HGSNAT: variants seen among roughly 807,000 people sequenced by gnomAD.
HGSNAT encodes heparan-alpha-glucosaminide N-acetyltransferase.
HGSNAT carries 59 observed loss-of-function variants against 85.2 expected under a neutral mutation model. The ratio of observed to expected loss-of-function variants is 0.69; its 90% CI spans 0.56 to 0.86. The LOEUF is 0.86. HGSNAT is among the 40% of genes least tolerant of loss of function. The pLI, the probability that HGSNAT is intolerant of heterozygous loss-of-function variation, is 0.00. For missense variants in HGSNAT, 756 were observed against 777.1 expected (o/e 0.97, Z 0.32); for synonymous variants, 321 against 304.5 (o/e 1.05, Z -0.56).
At chr8:43,195,371 T>C (rs1266775493) in intron 14 of HGSNAT, among the ~76,000 whole-genome samples, 1 of 151,902 alleles carries the variant, frequency 6.6e-6, no homozygotes, top group Non-Finnish European at 1.5e-5. Context: ...GAAAAGAAAA[T>C]GTTATTAAGA....
rs1423323113 is a variant in HGSNAT, at chr8:43,182,218, G to C, written c.1086G>C (p.Leu362Phe). The change falls in exon 11 of 18, where the codon TTG becomes TTC. Residue 362 changes from leucine to phenylalanine, a missense_variant. By Grantham distance (22) the Leu-to-Phe change is conservative. Transcript: ENST00000379644. ...LGVTYFVVAVLELLFAKPVPE... is the reference protein window; with the variant it reads ...LGVTYFVVAVFELLFAKPVPE... ...TGACATACTTTGTGGTTGCTGTGTT[G>C]GAGCTCCTCTTTGCTAAACCTGTGC... 6.2e-7 allele frequency: 1 copy of C among 1,613,810 alleles called. No homozygotes were observed. Among genetic ancestry groups the C allele is most frequent in the Non-Finnish European group, 8.5e-7 (1 of 1,179,864 alleles).
At chr8:43,158,242 G>C (rs536504830) in intron 2 of HGSNAT, among the ~76,000 whole-genome samples, 1 of 152,254 alleles carries the variant, frequency 6.6e-6, no homozygotes, top group African/African-American at 2.4e-5. Context: ...GGGATTACAG[G>C]CATGTGCCAC....
intron 11 of HGSNAT, among the ~76,000 whole-genome samples, chr8:43,186,123 G>C (rs1314126000): frequency 2.0e-5 from 3 of 152,096 alleles, no homozygotes; most frequent in African/African-American, 4.8e-5. Flanking sequence ...TCTCTGCCAG[G>C]CTTTGGTATC....
rs546298041 is a variant in HGSNAT at position 43,169,102 on chromosome 8, A to C, written c.564-71A>C. The C allele has an allele frequency of 6.3e-6, 5 of 788,566 alleles. No homozygotes were observed. In the African/African-American group the frequency reaches 8.7e-5, roughly 14 times the overall value. The allele number at this position is 788,566 out of a possible 1,614,324, so 48.8% of individuals were successfully genotyped here. On this transcript the variant is annotated intron_variant, in intron 5 of 17. Transcript: ENST00000379644. The stretch of plus-strand genomic sequence containing the variant: ...GAATATGAGCTTTAATTTTATTTCC[A>C]TATAATATCCAATCATTTAAAAAAT...
At chr8:43,197,523 A>T in intron 15 of HGSNAT, 149 bp from the exon 16 acceptor site, 5 of 635,654 alleles carry the variant, frequency 7.9e-6, no homozygotes, top group Non-Finnish European at 1.4e-5. Flanking sequence ...CATTTAAAAA[A>T]ATATGTTTCC....
Position 43,161,296 on chromosome 8 carries a change from C to T in HGSNAT, c.494-142C>T, listed in dbSNP as rs558950133. 11 of 618,702 alleles carry T rather than the reference C, an allele frequency of 1.8e-5. No individual in the cohort carries two copies. The East Asian group carries it at 2.0e-4, about 11-fold the overall frequency. 38.3% of individuals were successfully genotyped at this position (618,702 alleles called of 1,614,324 possible). On this transcript the variant is annotated intron_variant, in intron 4 of 17. Transcript: ENST00000379644. The stretch of plus-strand genomic sequence containing the variant: ...TTATAATGACAATTATCACTCCCTT[C>T]AGGGTGAGCATAGGAAATTCAGCAT...
At position 43,191,501 on chromosome 8, in the gene HGSNAT, A is replaced by C; in HGVS notation, c.1156A>C (p.Ile386Leu). The C allele has an allele frequency of 6.2e-7, 1 of 1,613,952 alleles. No homozygotes were observed. The highest frequency in any genetic ancestry group is 8.5e-7 in the Non-Finnish European group (1 of 1,179,846). ...GAGGAGCTGCCTTTCTCTTCGAGAC[A>C]TCACGTCCAGCTGGCCCCAGTGGCT... Reference protein sequence around the residue: ...SERSCLSLRDITSSWPQWLLI... With the variant: ...SERSCLSLRDLTSSWPQWLLI... Residue 386 changes from isoleucine (I) to leucine (L), a missense_variant, in exon 12 of 18, where the codon ATC (isoleucine) becomes CTC (leucine). Coordinates refer to ENST00000379644, the MANE Select transcript of HGSNAT (RefSeq NM_152419.3).
intron 2 of HGSNAT, 134 bp from the exon 3 acceptor site, chr8:43,158,441 T>G: frequency 1.1e-6 from 1 of 880,580 alleles, no homozygotes. Context: ...TTTAAATTAT[T>G]GAAATGTAGA....
At chr8:43,165,985 A>G (rs1005128228) in intron 5 of HGSNAT, among the ~76,000 whole-genome samples, 1 of 152,208 alleles carries the variant, frequency 6.6e-6, no homozygotes, top group African/African-American at 2.4e-5. Flanking sequence ...TACTGCTGAT[A>G]TGGAGAAAGT....
chr8:43,141,999 C>G (rs902779296), intron 1 of HGSNAT, among the ~76,000 whole-genome samples: 6 of 152,100 alleles, frequency 3.9e-5, no homozygotes, highest in African/African-American at 1.4e-4. Flanking sequence ...ACCTGGAGCC[C>G]ATGTTTGGGC....
At chr8:43,186,903 A>G (rs1804333203) in intron 11 of HGSNAT, among the ~76,000 whole-genome samples, 1 of 152,202 alleles carries the variant, frequency 6.6e-6, no homozygotes, top group Non-Finnish European at 1.5e-5. Context: ...TTATGTACCC[A>G]GTAGTCATTC....
chr8:43,149,019 G>A (rs374348152), intron 2 of HGSNAT, among the ~76,000 whole-genome samples: 1 of 151,958 alleles, frequency 6.6e-6, no homozygotes, highest in Non-Finnish European at 1.5e-5. Flanking sequence ...GGGAGGCTGA[G>A]GCAGGAGAAT....
rs1175972637 is a variant in HGSNAT, at chr8:43,189,771, A to AT, written c.1129-1697dup. ...CCTCCACGCCCAGCTAATTTTTTGT[A>AT]TTTTTTAGTAGAGATGGAGTTTCAC... On this transcript the variant is annotated intron_variant, in intron 11 of 17. Coordinates refer to ENST00000379644, the MANE Select transcript of HGSNAT (RefSeq NM_152419.3). Among the ~76,000 whole-genome samples, 7 of 152,008 alleles carry AT rather than the reference A, an allele frequency of 4.6e-5. No individual in the cohort carries two copies. The East Asian group carries it at 7.7e-4, about 17-fold the overall frequency.
intron 8 of HGSNAT, 31 bp downstream of exon 8, chr8:43,172,417 A>G (rs1803657152): frequency 1.4e-6 from 2 of 1,436,252 alleles, no homozygotes; most frequent in Non-Finnish European, 2.0e-6. Flanking sequence ...AATGTTGCTT[A>G]TATACGTCCT....
At chr8:43,165,888 A>AT (rs1343731979) in intron 5 of HGSNAT, among the ~76,000 whole-genome samples, 1 of 152,192 alleles carries the variant, frequency 6.6e-6, no homozygotes, top group Non-Finnish European at 1.5e-5. Flanking sequence ...GTGAGCTGAG[A>AT]TTGCTCCACT....
At chr8:43,184,309 CT>C (rs1804234027) in intron 11 of HGSNAT, among the ~76,000 whole-genome samples, 1 of 152,032 alleles carries the variant, frequency 6.6e-6, no homozygotes, top group Non-Finnish European at 1.5e-5. Flanking sequence ...TGTTTCCTGA[CT>C]TTTTAATGAT....
intron 2 of HGSNAT, among the ~76,000 whole-genome samples, chr8:43,148,564 G>C (rs912295568): frequency 2.6e-5 from 4 of 151,660 alleles, no homozygotes; most frequent in African/African-American, 9.7e-5. Context: ...AAGGAGGGTG[G>C]ATCACCTGAG....
At chr8:43,174,620 A>G (rs1479633398) in intron 9 of HGSNAT, among the ~76,000 whole-genome samples, 1 of 151,810 alleles carries the variant, frequency 6.6e-6, no homozygotes, top group Non-Finnish European at 1.5e-5. Flanking sequence ...GTTATTTTTT[A>G]TTTCAAATTT....
chr8:43,194,560 A>G, intron 14 of HGSNAT: 1 of 968,670 alleles, frequency 1.0e-6, no homozygotes. Flanking sequence ...TTCATAAAGA[A>G]CAGTAACACT....
Sources: gnomAD v4.1 joint callset for allele counts (sites outside exome capture counted in the v4.1 genomes callset) on GRCh38, gnomAD v4.1.1 for gene constraint, MANE v1.5 for transcripts, NCBI Gene and HGNC (gene_info 2026-07-23, HGNC 2026-07-21) for gene names.